Variants in IPCEF1 observed in about 807,000 individuals in gnomAD.
IPCEF1 encodes the protein interaction protein for cytohesin exchange factors 1.
A neutral mutation model predicts 50.9 loss-of-function variants in IPCEF1; 31 were observed. The ratio of observed to expected loss-of-function variants is 0.61; its 90% confidence interval spans 0.46 to 0.82. The LOEUF (loss-of-function observed/expected upper bound fraction) is 0.82, where lower values mean the gene tolerates loss of function less well. Ranked by LOEUF, IPCEF1 falls within the 40% of genes least tolerant of loss-of-function variation. The pLI is 0.00. For synonymous variants in IPCEF1, 181 were observed against 192.0 expected, an observed-to-expected ratio of 0.94 and a Z score of 0.47; for missense variants, 458 against 514.0, an observed-to-expected ratio of 0.89 and a Z score of 1.05.
At chr6:154,345,709 T>C (rs573748269) in intron 1 of IPCEF1, among the ~76,000 whole-genome samples, 1 of 152,348 alleles carries the variant, frequency 6.6e-6, no homozygotes, top group South Asian at 2.1e-4. Context: ...AGCTTTCCTA[T>C]GGTCAGTTAT....
chr6:154,251,730 C>T (rs1473601624), intron 3 of IPCEF1, among the ~76,000 whole-genome samples: 6 of 151,662 alleles, frequency 4.0e-5, no homozygotes, highest in East Asian at 1.9e-4. Flanking sequence ...GAGATTGTGG[C>T]GAAGATGGAT....
chr6:154,226,684 A>G (rs1290117200), intron 5 of IPCEF1, among the ~76,000 whole-genome samples: 1 of 152,190 alleles, frequency 6.6e-6, no homozygotes, highest in Non-Finnish European at 1.5e-5. Context: ...TCCAAATCAC[A>G]GTCACAGTCA....
intron 10 of IPCEF1, among the ~76,000 whole-genome samples, chr6:154,180,363 C>T (rs1376941865): frequency 7.3e-6 from 1 of 136,916 alleles, no homozygotes; most frequent in African/African-American, 2.7e-5. Context: ...TATATATATA[C>T]TGAGCTAGTT....
chr6:154,254,740 G>C (rs1436460744), intron 3 of IPCEF1, among the ~76,000 whole-genome samples: 1 of 151,988 alleles, frequency 6.6e-6, no homozygotes, highest in Non-Finnish European at 1.5e-5. Flanking sequence ...TGGTTGGTTG[G>C]TTGGTTTTTG....
chr6:154,320,635 A>G (rs1783348237), intron 1 of IPCEF1, among the ~76,000 whole-genome samples: 2 of 152,216 alleles, frequency 1.3e-5, no homozygotes, highest in African/African-American at 2.4e-5. Context: ...GTGTATCCAG[A>G]GAACCACTTC....
chr6:154,241,192 C>T lies in IPCEF1; in HGVS notation c.246+5399G>A, dbSNP rs374202999. Among the ~76,000 whole-genome samples, 7 of 146,676 alleles carry T rather than the reference C, an allele frequency of 4.8e-5. No individual in the cohort carries two copies. In the South Asian group the frequency reaches 1.1e-3, roughly 23 times the overall value. On this transcript the variant is annotated intron_variant, in intron 5 of 11. Coordinates refer to ENST00000367220, the MANE Select transcript of IPCEF1 (RefSeq NM_001130700.2). The stretch of plus-strand genomic sequence containing the variant: ...CGGAGGTTGCAGTGAGCCGAGATCG[C>T]GCCACTGCACTTCAGCCTAGCAACA...
At chr6:154,263,240 T>A (rs1562570972) in intron 3 of IPCEF1, among the ~76,000 whole-genome samples, 4 of 150,790 alleles carry the variant, frequency 2.7e-5, no homozygotes, top group African/African-American at 9.7e-5. Context: ...CTTTTTTTTT[T>A]AAATTTATTT....
intron 10 of IPCEF1, among the ~76,000 whole-genome samples, chr6:154,181,973 A>C (rs1800920475): frequency 6.6e-6 from 1 of 152,208 alleles, no homozygotes; most frequent in Non-Finnish European, 1.5e-5. Context: ...TAGTTGGGAA[A>C]GGTGAGGCGA....
chr6:154,201,530 G>A (rs1487039345), intron 9 of IPCEF1, among the ~76,000 whole-genome samples: 1 of 152,194 alleles, frequency 6.6e-6, no homozygotes, highest in East Asian at 1.9e-4. Flanking sequence ...AGACAAGGTA[G>A]AGAAGGCATT....
rs115055317 is a variant in IPCEF1, at chr6:154,342,677, G to A, written c.-62+13995C>T. 5.7e-3 allele frequency among the ~76,000 whole-genome samples: 864 copies of A among 152,256 alleles called. 5 individuals are homozygous for A. The highest frequency in any genetic ancestry group is 0.02 in the African/African-American group (825 of 41,546). ...CTGGATTTTGCTGTTACTCAGGCTG[G>A]TCTCAAACTCCTGGTCTCAAGTGAT... On this transcript the variant is annotated intron_variant, in intron 1 of 11. Coordinates refer to ENST00000367220, the MANE Select transcript of IPCEF1 (RefSeq NM_001130700.2).
chr6:154,197,738 C>T (rs1026859227), intron 10 of IPCEF1, among the ~76,000 whole-genome samples: 2 of 152,168 alleles, frequency 1.3e-5, no homozygotes, highest in Non-Finnish European at 2.9e-5. Flanking sequence ...TAAAAGAAAA[C>T]CCTCAACCTC....
chr6:154,203,551 G>C (rs1396061362), intron 9 of IPCEF1, among the ~76,000 whole-genome samples: 2 of 152,112 alleles, frequency 1.3e-5, no homozygotes, highest in African/African-American at 4.8e-5. Context: ...GAAACTCAAG[G>C]ATACAGGGAG....
intron 5 of IPCEF1, among the ~76,000 whole-genome samples, chr6:154,240,178 A>G (rs995174854): frequency 9.2e-5 from 14 of 152,388 alleles, no homozygotes; most frequent in Admixed American, 2.6e-4. Flanking sequence ...TAGTTAATTC[A>G]TACAACTAAT....
At chr6:154,335,103 A>G (rs1783760934) in intron 1 of IPCEF1, among the ~76,000 whole-genome samples, 1 of 152,146 alleles carries the variant, frequency 6.6e-6, no homozygotes, top group Non-Finnish European at 1.5e-5. Context: ...ACTTTAGCCC[A>G]GGAGTTTGAG....
intron 1 of IPCEF1, among the ~76,000 whole-genome samples, chr6:154,320,658 G>A (rs1049865874): frequency 2.0e-5 from 3 of 152,136 alleles, no homozygotes; most frequent in African/African-American, 7.2e-5. Flanking sequence ...AGGATAGGAA[G>A]GATTGAACGT....
intron 1 of IPCEF1, among the ~76,000 whole-genome samples, chr6:154,320,846 A>T (rs1783355066): frequency 6.6e-6 from 1 of 152,182 alleles, no homozygotes; most frequent in Non-Finnish European, 1.5e-5. Context: ...ACCTTTAAAA[A>T]ATTGTGTATA....
chr6:154,237,409 A>T (rs1780221687), intron 5 of IPCEF1, among the ~76,000 whole-genome samples: 1 of 152,196 alleles, frequency 6.6e-6, no homozygotes, highest in Non-Finnish European at 1.5e-5. Flanking sequence ...ACTTTCTTAC[A>T]CAGGACAGAT....
intron 7 of IPCEF1, among the ~76,000 whole-genome samples, chr6:154,216,729 G>A (rs767011904): frequency 2.0e-5 from 3 of 152,144 alleles, no homozygotes; most frequent in African/African-American, 4.8e-5. Context: ...TTAGCCAGGC[G>A]TGGTGGCACA....
At chr6:154,325,961 C>T (rs1562290259) in intron 1 of IPCEF1, among the ~76,000 whole-genome samples, 1 of 152,140 alleles carries the variant, frequency 6.6e-6, no homozygotes, top group African/African-American at 2.4e-5. Context: ...CACAGTGGCT[C>T]ACGCTTGTAA....
Sources: allele counts gnomAD v4.1 joint callset (sites outside exome capture counted in the v4.1 genomes callset), GRCh38; gene constraint gnomAD v4.1.1; transcripts MANE v1.5; gene names NCBI Gene and HGNC (gene_info 2026-07-23, HGNC 2026-07-21).